Variants in MAGI2 observed in about 807,000 individuals in gnomAD.
MAGI2 encodes the protein membrane associated guanylate kinase, WW and PDZ domain containing 2, also known as membrane-associated guanylate kinase, WW and PDZ domain-containing protein 2.
In MAGI2, 35 loss-of-function variants were observed where a neutral mutation model predicts 133.3. The observed-to-expected ratio is 0.26, with a 90% CI of 0.20 to 0.35. The LOEUF (loss-of-function observed/expected upper bound fraction) is 0.35, where lower values mean the gene tolerates loss of function less well. Ranked by LOEUF, MAGI2 falls within the 10% of genes least tolerant of loss-of-function variation. MAGI2 has a pLI of 1.00. For synonymous variants in MAGI2, 729 were observed against 710.6 expected, an observed-to-expected ratio of 1.03 and a Z score of -0.41; for missense variants, 1,636 against 1,863.4, an observed-to-expected ratio of 0.88 and a Z score of 2.25.
intron 16 of MAGI2, among the ~76,000 whole-genome samples, chr7:78,147,840 A>T (rs991815631): frequency 6.6e-6 from 1 of 152,014 alleles, no homozygotes; most frequent in Non-Finnish European, 1.5e-5. Context: ...CTACCAAAAA[A>T]AACCACCCCC....
intron 2 of MAGI2, among the ~76,000 whole-genome samples, chr7:78,643,599 A>G (rs1810529404): frequency 6.6e-6 from 1 of 152,200 alleles, no homozygotes; most frequent in Non-Finnish European, 1.5e-5. Context: ...AGCCACCTGT[A>G]TAACAATTAT....
chr7:78,349,088 A>G (rs1323266313), intron 7 of MAGI2, among the ~76,000 whole-genome samples: 1 of 152,194 alleles, frequency 6.6e-6, no homozygotes, highest in Non-Finnish European at 1.5e-5. Context: ...TTTTACAATA[A>G]TGAATTTCAC....
chr7:78,619,577 G>A (rs2150934847), intron 3 of MAGI2, among the ~76,000 whole-genome samples: 1 of 151,766 alleles, frequency 6.6e-6, no homozygotes, highest in African/African-American at 2.4e-5. Flanking sequence ...GTCTCTTTGG[G>A]GAGAAAAAAG....
chr7:79,427,210 T>G (rs1847440048), intron 1 of MAGI2, among the ~76,000 whole-genome samples: 1 of 152,096 alleles, frequency 6.6e-6, no homozygotes, highest in Non-Finnish European at 1.5e-5. Flanking sequence ...TAAGAAGATA[T>G]AGAAGCTTGA....
intron 21 of MAGI2, among the ~76,000 whole-genome samples, chr7:78,048,326 C>A (rs1811644757): frequency 6.6e-6 from 1 of 152,186 alleles, no homozygotes. Context: ...AAAACAGTGA[C>A]TCCCCTAGTA....
At chr7:78,712,601 G>A (rs1008311590) in intron 2 of MAGI2, among the ~76,000 whole-genome samples, 1 of 152,162 alleles carries the variant, frequency 6.6e-6, no homozygotes, top group African/African-American at 2.4e-5. Flanking sequence ...TTAAAAAGAA[G>A]TAGAGTTTCA....
intron 2 of MAGI2, among the ~76,000 whole-genome samples, chr7:78,921,191 T>C (rs1799195110): frequency 6.6e-6 from 1 of 152,152 alleles, no homozygotes. Context: ...GGAGGATCAC[T>C]GGAAAGAGGC....
chr7:78,268,895 C>T (rs1794282045), intron 9 of MAGI2, among the ~76,000 whole-genome samples: 1 of 152,136 alleles, frequency 6.6e-6, no homozygotes, highest in South Asian at 2.1e-4. Flanking sequence ...TTCAACCCAT[C>T]ATCTACATTA....
rs547227673 is a variant in MAGI2 at position 78,821,155 on chromosome 7, G to C, written c.418+185935C>G. 1.2e-3 allele frequency among the ~76,000 whole-genome samples: 185 copies of C among 152,130 alleles called. 11 individuals carry two copies. In the South Asian group the frequency reaches 0.036, roughly 30 times the overall value. On this transcript the variant is annotated intron_variant, in intron 2 of 21. Coordinates refer to ENST00000354212, the MANE Select transcript of MAGI2 (RefSeq NM_012301.4). ...TAGCTGGACATTTTATTCGAGTTGGGTAACTACTCCAAACCTCTGTTTTCT... is the reference window on the plus strand; with the variant it reads ...TAGCTGGACATTTTATTCGAGTTGGCTAACTACTCCAAACCTCTGTTTTCT...
chr7:78,803,227 T>C lies in MAGI2; in HGVS notation c.419-175988A>G, dbSNP rs1788226565. The stretch of plus-strand genomic sequence containing the variant: ...TAACAGATGTCAGGAATTCTACATA[T>C]GTTCTACATAAAGTGTTAACTGCTA... On this transcript the variant is annotated intron_variant, in intron 2 of 21. Transcript: ENST00000354212. Among the ~76,000 whole-genome samples the C allele has an allele frequency of 2.6e-5, 4 of 152,244 alleles. No homozygotes were observed. The South Asian group carries it at 6.2e-4, about 24-fold the overall frequency.
intron 1 of MAGI2, chr7:79,125,056 G>A: frequency 4.5e-6 from 1 of 221,130 alleles, no homozygotes; most frequent in East Asian, 1.3e-4. Context: ...AAAGATATTT[G>A]TAGGCGCCAT....
rs569781602 is a variant in MAGI2 at position 78,017,807 on chromosome 7, T to C, written c.*1508A>G. 1 of 152,474 alleles carries C rather than the reference T, an allele frequency of 6.6e-6. No homozygotes were observed. The highest frequency in any genetic ancestry group is 2.1e-4 in the South Asian group (1 of 4,828). The allele number at this position is 152,474 out of a possible 1,614,324, so 9.4% of individuals were successfully genotyped here. A position where few individuals can be genotyped will look rare whatever the true frequency, so the allele number is the denominator to read the frequency against. The stretch of plus-strand genomic sequence containing the variant: ...CAGGGAGGCTATTACGTGTGACCTT[T>C]GAGATGGACCTGATCGCCCCTTTTA... On this transcript the variant is annotated 3_prime_UTR_variant, in exon 22 of 22. Transcript: ENST00000354212.
rs574505563 is a variant in MAGI2 at position 78,889,133 on chromosome 7, T to C, written c.418+117957A>G. On this transcript the variant is annotated intron_variant, in intron 2 of 21. Transcript: ENST00000354212. ...CAACTGGAAGAAAGGGTATCAGTGG[T>C]GGAAGATCAAATTAATAAAATGAAG... Among the ~76,000 whole-genome samples the C allele has an allele frequency of 5.3e-5, 8 of 152,146 alleles. No individual in the cohort carries two copies. The South Asian group carries it at 1.7e-3, about 32-fold the overall frequency.
At chr7:78,649,140 T>C (rs1276566703) in intron 2 of MAGI2, among the ~76,000 whole-genome samples, 2 of 149,496 alleles carry the variant, frequency 1.3e-5, no homozygotes, top group African/African-American at 4.9e-5. Flanking sequence ...AGTGGCACTT[T>C]TTTATTTCCC....
At chr7:79,444,610 C>T (rs1361161319) in intron 1 of MAGI2, among the ~76,000 whole-genome samples, 6 of 151,910 alleles carry the variant, frequency 3.9e-5, no homozygotes, top group South Asian at 2.1e-4. Context: ...TTACAAGGGA[C>T]GTGAAGGACC....
At chr7:78,178,147 C>T (rs373923683) in intron 13 of MAGI2, 45 bp from the exon 14 acceptor site, 35 of 1,249,690 alleles carry the variant, frequency 2.8e-5, no homozygotes, top group African/African-American at 4.4e-5. Flanking sequence ...CTGCCTCTTT[C>T]CCAGCCCCTG....
At chr7:78,520,994 T>C (rs926084933) in intron 4 of MAGI2, among the ~76,000 whole-genome samples, 2 of 152,298 alleles carry the variant, frequency 1.3e-5, no homozygotes, top group African/African-American at 4.8e-5. Context: ...TAACCTCTAC[T>C]GAGAGAAGTG....
chr7:78,978,088 A>C (rs1199058011), intron 2 of MAGI2, among the ~76,000 whole-genome samples: 4 of 151,806 alleles, frequency 2.6e-5, no homozygotes, highest in African/African-American at 4.8e-5. Context: ...AAAAAATAAT[A>C]CGGCCACTTT....
At position 79,200,315 on chromosome 7, in the gene MAGI2, A is replaced by G. The variant is rs1465113266; in HGVS notation, c.302-193109T>C. Among the ~76,000 whole-genome samples, 3 of 151,874 alleles carry G rather than the reference A, an allele frequency of 2.0e-5. No homozygotes were observed. The East Asian group carries it at 5.8e-4, about 29-fold the overall frequency. ...TGGAAAAATACCATGTTGCCTTACA[A>G]CTGTTTCAAACACTTTCGGCCTGAT... is the stretch of plus-strand genomic sequence containing the variant. On this transcript the variant is annotated intron_variant, in intron 1 of 21. Coordinates refer to ENST00000354212, the MANE Select transcript of MAGI2 (RefSeq NM_012301.4).
Sources: allele counts gnomAD v4.1 joint callset (sites outside exome capture counted in the v4.1 genomes callset), GRCh38; gene constraint gnomAD v4.1.1; transcripts MANE v1.5; gene names NCBI Gene and HGNC (gene_info 2026-07-23, HGNC 2026-07-21).